ADAMTS17: variants seen among roughly 807,000 people sequenced by gnomAD.
The protein encoded by ADAMTS17 is ADAM metallopeptidase with thrombospondin type 1 motif 17.
A neutral mutation model predicts 141.5 loss-of-function variants in ADAMTS17; 113 were observed. That is an observed-to-expected ratio of 0.80 (90% CI 0.69 to 0.93). The LOEUF (loss-of-function observed/expected upper bound fraction) is 0.93, where lower values mean the gene tolerates loss of function less well. ADAMTS17 is among the 40% of genes least tolerant of loss of function. The pLI, the probability that ADAMTS17 is intolerant of heterozygous loss-of-function variation, is 0.00. For synonymous variants in ADAMTS17, 768 were observed against 630.6 expected (o/e 1.22, Z -3.27); for missense variants, 1,659 against 1,517.9 (o/e 1.09, Z -1.54).
At chr15:100,254,566 C>T (rs1012187179) in intron 6 of ADAMTS17, among the ~76,000 whole-genome samples, 11 of 152,312 alleles carry the variant, frequency 7.2e-5, no homozygotes, top group African/African-American at 2.4e-4. Context: ...TCTATTTGGG[C>T]AGCAACTGGT....
At chr15:100,143,778 C>A (rs1294903404) in intron 10 of ADAMTS17, among the ~76,000 whole-genome samples, 1 of 152,194 alleles carries the variant, frequency 6.6e-6, no homozygotes, top group Non-Finnish European at 1.5e-5. Context: ...GAGAAACCAG[C>A]AACCTGGTTA....
chr15:100,158,715 T>C (rs537972979), intron 8 of ADAMTS17, among the ~76,000 whole-genome samples: 2 of 152,328 alleles, frequency 1.3e-5, no homozygotes, highest in Admixed American at 1.3e-4. Flanking sequence ...CTTATTTCAT[T>C]TAGCATAAAG....
intron 15 of ADAMTS17, among the ~76,000 whole-genome samples, chr15:100,072,997 A>C (rs938697225): frequency 1.3e-5 from 2 of 152,212 alleles, no homozygotes; most frequent in Non-Finnish European, 2.9e-5. Context: ...GAATGGGAGA[A>C]AATTTTTGTA....
chr15:100,295,579 T>C (rs1301537783), intron 3 of ADAMTS17, among the ~76,000 whole-genome samples: 1 of 152,130 alleles, frequency 6.6e-6, no homozygotes, highest in Admixed American at 6.5e-5. Context: ...CCTTCAAAGG[T>C]ATAAGCCACA....
At chr15:100,065,509 T>C (rs894337362) in intron 15 of ADAMTS17, among the ~76,000 whole-genome samples, 1 of 152,244 alleles carries the variant, frequency 6.6e-6, no homozygotes. Flanking sequence ...TTTCTTCCTT[T>C]CTAGTCTTTA....
Position 100,171,668 on chromosome 15 carries a change from C to T in ADAMTS17, c.1182-16348G>A, listed in dbSNP as rs576662816. ...CTGAGCTCCTGAGCACCCCAGTGGC[C>T]TTTCAAGGTCTTTGGAGAACCCCCA... On this transcript the variant is annotated intron_variant, in intron 8 of 21. Transcript: ENST00000268070. 2.7e-4 allele frequency among the ~76,000 whole-genome samples: 41 copies of T among 152,280 alleles called. 1 individual carries two copies. The South Asian group carries it at 8.3e-3, about 31-fold the overall frequency.
chr15:100,149,099 C>G (rs1488081735), intron 10 of ADAMTS17, among the ~76,000 whole-genome samples: 2 of 152,250 alleles, frequency 1.3e-5, no homozygotes, highest in Non-Finnish European at 2.9e-5. Flanking sequence ...CATATGTACG[C>G]TCTCCTGCCA....
intron 8 of ADAMTS17, among the ~76,000 whole-genome samples, chr15:100,181,301 C>A (rs187825377): frequency 3.3e-5 from 5 of 152,322 alleles, no homozygotes; most frequent in Non-Finnish European, 7.4e-5. Flanking sequence ...TGGTGCTCCA[C>A]CCCACTGTGG....
In ADAMTS17 at chr15:100,170,208, G is replaced by C. The variant is rs115071886; in HGVS notation, c.1182-14888C>G. ...GACATTCATCCGTCCTCCCCTTTTA[G>C]TTACCTTAAACTTTTGTACATTAAA... On this transcript the variant is annotated intron_variant, in intron 8 of 21. Transcript: ENST00000268070. 8.8e-3 allele frequency among the ~76,000 whole-genome samples: 1,345 copies of C among 152,246 alleles called. 27 individuals carry two copies. The highest frequency in any genetic ancestry group is 0.031 in the African/African-American group (1,279 of 41,528).
rs2060201079 is a variant in ADAMTS17 at position 99,971,466 on chromosome 15, T to C, written c.*2936A>G. Reference sequence around the variant, plus strand: ...ATGGAAAAACATTTTATTACACATATTCAACTTGCTTCCAATGAAATGATT... The same window carrying C: ...ATGGAAAAACATTTTATTACACATACTCAACTTGCTTCCAATGAAATGATT... On this transcript the variant is annotated 3_prime_UTR_variant, in exon 22 of 22. Transcript: ENST00000268070. The C allele has an allele frequency of 1.3e-5, 2 of 152,222 alleles. No homozygotes were observed. Among genetic ancestry groups the C allele is most frequent in the African/African-American group, 4.8e-5 (2 of 41,462 alleles). 9.4% of individuals were successfully genotyped at this position (152,222 alleles called of 1,614,324 possible). A position where few individuals can be genotyped will look rare whatever the true frequency, so the allele number is the denominator to read the frequency against.
intron 7 of ADAMTS17, among the ~76,000 whole-genome samples, chr15:100,202,538 G>A (rs895592967): frequency 6.6e-6 from 1 of 152,206 alleles, no homozygotes; most frequent in Middle Eastern, 3.2e-3. Flanking sequence ...AACAAAGTCT[G>A]GAGAAAATCC....
At chr15:100,252,855 A>G (rs184958566) in intron 7 of ADAMTS17, among the ~76,000 whole-genome samples, 14 of 152,350 alleles carry the variant, frequency 9.2e-5, no homozygotes, top group Admixed American at 9.1e-4. Flanking sequence ...AAAATGTGAC[A>G]TGAATGGTAG....
At chr15:100,186,329 C>T (rs1009708731) in intron 8 of ADAMTS17, among the ~76,000 whole-genome samples, 11 of 152,196 alleles carry the variant, frequency 7.2e-5, no homozygotes, top group African/African-American at 2.4e-4. Flanking sequence ...TGCCATTTAC[C>T]AGTGGAGTGT....
chr15:100,307,186 C>T (rs936361178), intron 3 of ADAMTS17, among the ~76,000 whole-genome samples: 1 of 152,206 alleles, frequency 6.6e-6, no homozygotes, highest in Non-Finnish European at 1.5e-5. Context: ...ACCAGCCCTA[C>T]CCCAATGCTG....
chr15:100,131,383 G>T lies in ADAMTS17; in HGVS notation c.1721+624C>A, dbSNP rs201287486. On this transcript the variant is annotated intron_variant, in intron 12 of 21. Coordinates refer to ENST00000268070, the MANE Select transcript of ADAMTS17 (RefSeq NM_139057.4). ...TAAAGTATGAAAAAAAAAAAAAAAAGAAATGGGAAACTTCAAGAAGAAAAG... is the reference window on the plus strand; with the variant it reads ...TAAAGTATGAAAAAAAAAAAAAAAATAAATGGGAAACTTCAAGAAGAAAAG... 2.0e-4 allele frequency among the ~76,000 whole-genome samples: 21 copies of T among 104,286 alleles called. No homozygotes were observed. In the East Asian group the frequency reaches 5.6e-3, roughly 28 times the overall value. The allele number at this position is 104,286 out of a possible 152,430, so 68.4% of individuals were successfully genotyped here.
chr15:100,202,431 G>A (rs758985676), intron 7 of ADAMTS17, among the ~76,000 whole-genome samples: 4 of 152,158 alleles, frequency 2.6e-5, no homozygotes, highest in Non-Finnish European at 5.9e-5. Flanking sequence ...TCATAAAACT[G>A]AGCAAGGAAA....
chr15:100,154,031 A>G (rs1460056648), intron 9 of ADAMTS17, among the ~76,000 whole-genome samples: 3 of 152,128 alleles, frequency 2.0e-5, no homozygotes, highest in African/African-American at 4.8e-5. Context: ...AAATACAAAA[A>G]TTATCCGGGT....
intron 14 of ADAMTS17, among the ~76,000 whole-genome samples, chr15:100,108,732 C>A (rs1324423178): frequency 2.0e-5 from 3 of 152,226 alleles, no homozygotes; most frequent in African/African-American, 7.2e-5. Flanking sequence ...ATGTCTAAAG[C>A]AATTTTCAAA....
intron 18 of ADAMTS17, among the ~76,000 whole-genome samples, chr15:100,020,264 A>G (rs2061379220): frequency 1.3e-5 from 2 of 152,218 alleles, no homozygotes; most frequent in South Asian, 2.1e-4. Flanking sequence ...GAAAATATTC[A>G]GAATTTGACA....
Sources: allele counts gnomAD v4.1 joint callset (sites outside exome capture counted in the v4.1 genomes callset), GRCh38; gene constraint gnomAD v4.1.1; transcripts MANE v1.5; gene names NCBI Gene and HGNC (gene_info 2026-07-23, HGNC 2026-07-21).